CACNA1C: variants seen among roughly 807,000 people sequenced by gnomAD.
CACNA1C encodes the protein calcium voltage-gated channel subunit alpha1 C.
A neutral mutation model predicts 229.0 loss-of-function variants in CACNA1C; 30 were observed. The observed-to-expected ratio is 0.13, with a 90% CI of 0.10 to 0.18. The LOEUF (loss-of-function observed/expected upper bound fraction) is 0.18, where lower values mean the gene tolerates loss of function less well. CACNA1C is among the 10% of genes least tolerant of loss of function. The pLI is 1.00. For synonymous variants in CACNA1C, 1,114 were observed against 1,132.5 expected (o/e 0.98, Z 0.33); for missense variants, 1,658 against 2,845.0 (o/e 0.58, Z 9.49).
intron 3 of CACNA1C, among the ~76,000 whole-genome samples, chr12:2,301,991 T>C (rs1407422184): frequency 1.3e-5 from 2 of 152,250 alleles, no homozygotes; most frequent in Non-Finnish European, 1.5e-5. Flanking sequence ...TCTGGTTCAG[T>C]AATCTTACAA....
intron 3 of CACNA1C, among the ~76,000 whole-genome samples, chr12:2,445,969 A>G (rs1290612643): frequency 2.0e-5 from 3 of 152,086 alleles, no homozygotes; most frequent in East Asian, 3.9e-4. Flanking sequence ...TCACTTTTTG[A>G]CAATGCAACT....
intron 3 of CACNA1C, among the ~76,000 whole-genome samples, chr12:2,183,005 G>A (rs764607932): frequency 6.6e-6 from 1 of 152,128 alleles, no homozygotes; most frequent in African/African-American, 2.4e-5. Flanking sequence ...ACTTCCCCCA[G>A]ATGATCTTTT....
At chr12:2,052,294 G>A (rs991325023), upstream of CACNA1C, among the ~76,000 whole-genome samples, 39 of 152,090 alleles carry the variant, frequency 2.6e-4, no homozygotes, top group Non-Finnish European at 4.7e-4. Flanking sequence ...ACCAGGCTCC[G>A]CCTCGCTGCC....
intron 3 of CACNA1C, among the ~76,000 whole-genome samples, chr12:2,370,387 T>C (rs149068246): frequency 6.6e-5 from 10 of 152,342 alleles, no homozygotes; most frequent in Middle Eastern, 3.4e-3. Context: ...CAAAGTTTTA[T>C]ATTTACGTAT....
chr12:2,016,557 G>A lies in CACNA1C; in HGVS notation c.139+45356G>A, dbSNP rs1373162041. On this transcript the variant is annotated intron_variant, in intron 1 of 46. Transcript: ENST00000682462. ...CAATTCTCCTGCCTCAGCCTCTCGA[G>A]TAGTTGGGATTACAGGTGCTGCCAC... Among the ~76,000 whole-genome samples the A allele has an allele frequency of 2.0e-5, 3 of 152,118 alleles. No individual in the cohort carries two copies. In the East Asian group the frequency reaches 5.8e-4, roughly 29 times the overall value.
rs1458135230 is a variant in CACNA1C, at chr12:2,034,473, C to T, written c.139+63272C>T. Reference sequence around the variant, plus strand: ...CCCAGCTGGGGCTGCATTTCCATCCCTCGGAGGTCTCAGGCAGAGGCTGAG... The same window carrying T: ...CCCAGCTGGGGCTGCATTTCCATCCTTCGGAGGTCTCAGGCAGAGGCTGAG... On this transcript the variant is annotated intron_variant, in intron 1 of 46. Transcript: ENST00000682462. This position sits in a 1 kb window ranked among gnomAD's most constrained non-coding sequence, Gnocchi z 4.1. Among the ~76,000 whole-genome samples, 1 of 152,186 alleles carries T rather than the reference C, an allele frequency of 6.6e-6. No individual in the cohort carries two copies. Among genetic ancestry groups the T allele is most frequent in the Non-Finnish European group, 1.5e-5 (1 of 68,048 alleles).
chr12:2,100,349 G>T (rs866619359), intron 1 of CACNA1C, among the ~76,000 whole-genome samples: 4 of 151,450 alleles, frequency 2.6e-5, no homozygotes, highest in Non-Finnish European at 4.4e-5. Flanking sequence ...GGGAGGCTGA[G>T]GAAGGAATTC....
At chr12:2,684,361 T>G (rs2097335410) in intron 43 of CACNA1C, among the ~76,000 whole-genome samples, 1 of 151,944 alleles carries the variant, frequency 6.6e-6, no homozygotes. Flanking sequence ...TGAAACACGG[T>G]CAATATAAAA....
At chr12:2,117,779 G>A (rs2084633398) in intron 2 of CACNA1C, among the ~76,000 whole-genome samples, 1 of 152,240 alleles carries the variant, frequency 6.6e-6, no homozygotes, top group Non-Finnish European at 1.5e-5. Flanking sequence ...TACTCCCTGG[G>A]TGCTGTGGCC....
chr12:2,057,091 A>G lies in CACNA1C; in HGVS notation c.49+3480A>G, dbSNP rs145292230. Among the ~76,000 whole-genome samples the G allele has an allele frequency of 6.6e-5, 10 of 152,326 alleles. No homozygotes were observed. In the East Asian group the frequency reaches 1.9e-3, roughly 29 times the overall value. On this transcript the variant is annotated intron_variant, in intron 1 of 46. Transcript: ENST00000399655. ...GGCACAGTGCTTTGTAAATGAAATG[A>G]TGAGCCGTTAGCCCCGTGGGACCAT...
At chr12:2,450,347 G>T (rs1331180605) in intron 4 of CACNA1C, among the ~76,000 whole-genome samples, 3 of 152,036 alleles carry the variant, frequency 2.0e-5, no homozygotes, top group Admixed American at 6.5e-5. Context: ...GAGGTCAGGA[G>T]ATCGAGACCA....
intron 25 of CACNA1C, 82 bp downstream of exon 25, chr12:2,606,745 C>T (rs2075559458): frequency 7.8e-7 from 1 of 1,290,118 alleles, no homozygotes; most frequent in Non-Finnish European, 1.1e-6. Context: ...GGAGGGACAG[C>T]TCATTTTCTA....
chr12:2,079,908 C>G (rs190994044), intron 1 of CACNA1C, among the ~76,000 whole-genome samples: 5 of 152,254 alleles, frequency 3.3e-5, no homozygotes, highest in Admixed American at 1.3e-4. Context: ...GCAGATATAA[C>G]AAACAGAATT....
At chr12:2,662,951 A>G (rs1235310416) in intron 34 of CACNA1C, among the ~76,000 whole-genome samples, 3 of 152,244 alleles carry the variant, frequency 2.0e-5, no homozygotes, top group Non-Finnish European at 2.9e-5. Context: ...AAATAAAAGC[A>G]TATTTCTACC....
intron 3 of CACNA1C, among the ~76,000 whole-genome samples, chr12:2,318,200 C>G (rs1412977611): frequency 6.6e-6 from 1 of 152,240 alleles, no homozygotes; most frequent in Non-Finnish European, 1.5e-5. Flanking sequence ...AAAGAATGAT[C>G]TTTGCGCCCC....
rs1323986688 is a variant in CACNA1C, at chr12:2,566,071, A to G, written c.1509-351A>G. ...TAATAATGCTCTTATTGCTTACAAC[A>G]CTATTTCTAAGAATGCTGTTTCACA... On this transcript the variant is annotated intron_variant, in intron 11 of 46. Coordinates refer to ENST00000399655, the MANE Select transcript of CACNA1C (RefSeq NM_000719.7). This position sits in a 1 kb window ranked among gnomAD's most constrained non-coding sequence, Gnocchi z 4.0. Among the ~76,000 whole-genome samples, 2 of 152,164 alleles carry G rather than the reference A, an allele frequency of 1.3e-5. No individual in the cohort carries two copies. The highest frequency in any genetic ancestry group is 4.8e-5 in the African/African-American group (2 of 41,426).
intron 1 of CACNA1C, among the ~76,000 whole-genome samples, chr12:2,038,621 G>A (rs997662863): frequency 6.6e-6 from 1 of 152,208 alleles, no homozygotes; most frequent in Non-Finnish European, 1.5e-5. Flanking sequence ...TAAAAGAAGA[G>A]AATTGTTGAG....
At chr12:2,659,562 G>A (rs1344542647) in intron 34 of CACNA1C, among the ~76,000 whole-genome samples, 5 of 152,078 alleles carry the variant, frequency 3.3e-5, no homozygotes, top group Non-Finnish European at 5.9e-5. Flanking sequence ...TTAAACGTAT[G>A]AGATGCATCA....
intron 6 of CACNA1C, among the ~76,000 whole-genome samples, chr12:2,492,096 A>G (rs537442459): frequency 6.6e-6 from 1 of 152,192 alleles, no homozygotes; most frequent in African/African-American, 2.4e-5. Flanking sequence ...GGACAGGACA[A>G]TGTCCTTGAT....
Sources: gnomAD v4.1 joint callset for allele counts (sites outside exome capture counted in the v4.1 genomes callset) on GRCh38, gnomAD v4.1.1 for gene constraint, Gnocchi (gnomAD v3.1) non-coding constraint, MANE v1.5 for transcripts, NCBI Gene and HGNC (gene_info 2026-07-23, HGNC 2026-07-21) for gene names.